The following PLAGL1 variants were observed in gnomAD, a reference collection of about 807,000 sequenced individuals.
PLAGL1 encodes the protein zinc finger protein PLAGL1.
In PLAGL1, 1 loss-of-function variant was observed where a neutral mutation model predicts 4.6. The ratio of observed to expected loss-of-function variants is 0.22; its 90% confidence interval spans 0.08 to 1.03. The LOEUF (loss-of-function observed/expected upper bound fraction) is 1.03, where lower values mean the gene tolerates loss of function less well. Among genes scored for constraint, PLAGL1 ranks in the 50% least tolerant of loss-of-function variants. PLAGL1 has a pLI of 0.58. For synonymous variants in PLAGL1, 240 were observed against 237.8 expected (o/e 1.01, Z -0.08); for missense variants, 464 against 570.4 (o/e 0.81, Z 1.90).
At chr6:144,001,650 A>T (rs1792908160) in intron 1 of PLAGL1, among the ~76,000 whole-genome samples, 1 of 152,040 alleles carries the variant, frequency 6.6e-6, no homozygotes, top group Admixed American at 6.6e-5. Context: ...TAGACCATGG[A>T]AAGGGGGAAA....
intron 1 of PLAGL1, among the ~76,000 whole-genome samples, chr6:144,026,619 A>T (rs1796359277): frequency 6.6e-6 from 1 of 152,190 alleles, no homozygotes; most frequent in Non-Finnish European, 1.5e-5. Flanking sequence ...ATAGAAACCC[A>T]TGTTTTCCAA....
Position 143,973,467 on chromosome 6 carries a change from G to C in PLAGL1, c.-543-4489C>G, listed in dbSNP as rs1785803512. The stretch of plus-strand genomic sequence containing the variant: ...GCTAGTTCATCCAAGGTCAGAGGGA[G>C]AAAACAAGCACGGGGGGAAGTCCTC... On this transcript the variant is annotated intron_variant, in intron 2 of 7. Coordinates refer to ENST00000674357, the MANE Select transcript of PLAGL1 (RefSeq NM_001317162.2). The surrounding 1 kb of genome is among the most constrained non-coding windows in gnomAD (Gnocchi z 6.2). Among the ~76,000 whole-genome samples the C allele has an allele frequency of 6.6e-6, 1 of 152,154 alleles. No individual in the cohort carries two copies. The highest frequency in any genetic ancestry group is 1.5e-5 in the Non-Finnish European group (1 of 68,026).
intron 1 of PLAGL1, among the ~76,000 whole-genome samples, chr6:144,002,883 C>CT (rs34276412): frequency 0.39 from 55,874 of 144,030 alleles, 11,261 homozygotes; most frequent in Admixed American, 0.46. Context: ...TTCTGGTAGG[C>CT]TTTTTTTTTT....
At chr6:143,999,227 T>G (rs1792313294) in intron 1 of PLAGL1, among the ~76,000 whole-genome samples, 1 of 152,184 alleles carries the variant, frequency 6.6e-6, no homozygotes. Flanking sequence ...AAATGATCAC[T>G]GAGTTTCCCT....
rs1462394917 is a variant in PLAGL1 at position 143,952,778 on chromosome 6, T to G, written c.-324-4318A>C. Among the ~76,000 whole-genome samples the G allele has an allele frequency of 6.6e-6, 1 of 152,222 alleles. No homozygotes were observed. The highest frequency in any genetic ancestry group is 1.5e-5 in the Non-Finnish European group (1 of 68,046). ...TGGCATCTATTTCCATTGTCCTCAG[T>G]GACACAATCAATGCAAGGCCCATTT... On this transcript the variant is annotated intron_variant, in intron 6 of 7. Coordinates refer to ENST00000674357, the MANE Select transcript of PLAGL1 (RefSeq NM_001317162.2). This position sits in a 1 kb window ranked among gnomAD's most constrained non-coding sequence, Gnocchi z 6.1.
intron 1 of PLAGL1, among the ~76,000 whole-genome samples, chr6:144,014,861 T>TGAGCCAC (rs776523918): frequency 2.0e-4 from 31 of 152,126 alleles, no homozygotes; most frequent in Non-Finnish European, 3.4e-4. Flanking sequence ...ATTACAGGTG[T>TGAGCCAC]GAGCCACTGT....
intron 1 of PLAGL1, among the ~76,000 whole-genome samples, chr6:144,045,710 A>T (rs1004526857): frequency 1.3e-5 from 2 of 152,026 alleles, no homozygotes; most frequent in Non-Finnish European, 2.9e-5. Context: ...TGTTCTCTGT[A>T]TTTCCTGAAT....
chr6:143,991,335 C>G (rs1247646802), intron 1 of PLAGL1, among the ~76,000 whole-genome samples: 1 of 152,196 alleles, frequency 6.6e-6, no homozygotes, highest in African/African-American at 2.4e-5. Flanking sequence ...CAATTTACCT[C>G]ATATTTCCTG....
At position 143,991,359 on chromosome 6, in the gene PLAGL1, G is replaced by C. The variant is rs924930382; in HGVS notation, c.-583-6185C>G. Among the ~76,000 whole-genome samples, 13 of 152,286 alleles carry C rather than the reference G, an allele frequency of 8.5e-5. No homozygotes were observed. In the South Asian group the frequency reaches 2.7e-3, roughly 32 times the overall value. On this transcript the variant is annotated intron_variant, in intron 1 of 7. Transcript: ENST00000674357. ...TCATATTTCCTGGAAAACCATGTTT[G>C]AATGTGGACTTCTTGGAGTCTGTAC...
chr6:144,008,706 G>C (rs1380569212), upstream of PLAGL1: 2 of 152,300 alleles, frequency 1.3e-5, no homozygotes, highest in Non-Finnish European at 2.9e-5. This position sits in a 1 kb window ranked among gnomAD's most constrained non-coding sequence, Gnocchi z 6.9. Flanking sequence ...ACAGATGCTG[G>C]GACGCTGCAA....
rs771510932 is a variant in PLAGL1, at chr6:143,952,284, C to T, written c.-324-3824G>A. Among the ~76,000 whole-genome samples, 10 of 152,210 alleles carry T rather than the reference C, an allele frequency of 6.6e-5. No individual in the cohort carries two copies. The highest frequency in any genetic ancestry group is 1.9e-4 in the East Asian group (1 of 5,196). ...TTTCTATTATCTGGCAGGCCACCAACGATCCTAACAGAACTTACAGAGCAA... is the reference window on the plus strand; with the variant it reads ...TTTCTATTATCTGGCAGGCCACCAATGATCCTAACAGAACTTACAGAGCAA... On this transcript the variant is annotated intron_variant, in intron 6 of 7. Transcript: ENST00000674357. The surrounding 1 kb of genome is among the most constrained non-coding windows in gnomAD (Gnocchi z 6.1).
rs1434347111 is a variant in PLAGL1 at position 143,971,251 on chromosome 6, C to G, written c.-543-2273G>C. Among the ~76,000 whole-genome samples the G allele has an allele frequency of 1.3e-5, 2 of 152,182 alleles. No homozygotes were observed. Among genetic ancestry groups the G allele is most frequent in the Non-Finnish European group, 2.9e-5 (2 of 68,026 alleles). On this transcript the variant is annotated intron_variant, in intron 2 of 7. Coordinates refer to ENST00000674357, the MANE Select transcript of PLAGL1 (RefSeq NM_001317162.2). This position sits in a 1 kb window ranked among gnomAD's most constrained non-coding sequence, Gnocchi z 4.7. ...GTACAACCCATACAAATGCCCCTTC[C>G]TCTACGAGATTCCTCCCGCAATTCA...
rs929280319 is a variant in PLAGL1 at position 143,940,651 on chromosome 6, TATA to T, written c.*770_*772del. The T allele has an allele frequency of 1.1e-4, 17 of 152,548 alleles. No individual in the cohort carries two copies. The highest frequency in any genetic ancestry group is 2.5e-4 in the Non-Finnish European group (17 of 68,010). The allele number at this position is 152,548 out of a possible 1,614,324, so 9.4% of individuals were successfully genotyped here. A position where few individuals can be genotyped will look rare whatever the true frequency, so the allele number is the denominator to read the frequency against. ...TATTTTCTTAAATTCCTGTTAAAAA[TATA>T]ATCAATATTAAAGTCAGCAAAATGC... On this transcript the variant is annotated 3_prime_UTR_variant, in exon 8 of 8. Transcript: ENST00000674357.
chr6:144,030,106 T>A (rs1796685482), intron 1 of PLAGL1, among the ~76,000 whole-genome samples: 1 of 151,574 alleles, frequency 6.6e-6, no homozygotes, highest in Admixed American at 6.6e-5. Context: ...TACAAAAAAA[T>A]TAGCCGGGCG....
chr6:143,942,586 A>G lies in PLAGL1; in HGVS notation c.230T>C (p.Leu77Pro). 6.2e-7 allele frequency: 1 copy of G among 1,614,044 alleles called. No individual in the cohort carries two copies. Among genetic ancestry groups the G allele is most frequent in the Non-Finnish European group, 8.5e-7 (1 of 1,180,006 alleles). Residue 77 changes from leucine to proline, a missense_variant, in exon 8 of 8, where the codon CTG (leucine) becomes CCG (proline). Coordinates refer to ENST00000674357, the MANE Select transcript of PLAGL1 (RefSeq NM_001317162.2). This position sits in a 1 kb window ranked among gnomAD's most constrained non-coding sequence, Gnocchi z 7.6. The stretch of plus-strand genomic sequence containing the variant: ...GTCGTGGGTCTGGAGGTGGTTTTTC[A>G]GGTGGTCTTTCCGGTTGAACGTCTT... ...CEKTFNRKDH[L>P]KNHLQTHDPN...
chr6:143,992,031 TAA>T (rs1394239218), intron 1 of PLAGL1, among the ~76,000 whole-genome samples: 1 of 152,196 alleles, frequency 6.6e-6, no homozygotes, highest in African/African-American at 2.4e-5. Context: ...AAATATGAGG[TAA>T]AGTGGTCAAG....
At chr6:144,011,204 ATC>A (rs142013319), upstream of PLAGL1, among the ~76,000 whole-genome samples, 9,400 of 152,288 alleles carry the variant, frequency 0.062, 321 homozygotes, top group Middle Eastern at 0.12. The surrounding 1 kb of genome is among the most constrained non-coding windows in gnomAD (Gnocchi z 4.3). Context: ...GCAATTATCC[ATC>A]TGACAAAGGG....
chr6:144,058,500 A>C (rs1799155127), intron 1 of PLAGL1, among the ~76,000 whole-genome samples: 2 of 152,240 alleles, frequency 1.3e-5, no homozygotes, highest in South Asian at 4.1e-4. Context: ...ATCCCTTCTC[A>C]ACAGTCCATT....
Position 143,979,390 on chromosome 6 carries a change from G to C in PLAGL1, c.-544+5745C>G, listed in dbSNP as rs1392548336. Among the ~76,000 whole-genome samples the C allele has an allele frequency of 6.6e-6, 1 of 152,034 alleles. No homozygotes were observed. The highest frequency in any genetic ancestry group is 1.5e-5 in the Non-Finnish European group (1 of 67,942). On this transcript the variant is annotated intron_variant, in intron 2 of 7. Transcript: ENST00000674357. This position sits in a 1 kb window ranked among gnomAD's most constrained non-coding sequence, Gnocchi z 4.6. ...TGATTAGGCTGAAATGTACGATCTTGTTATTTGTTGTCTAATTGCCTCAAT... is the reference window on the plus strand; with the variant it reads ...TGATTAGGCTGAAATGTACGATCTTCTTATTTGTTGTCTAATTGCCTCAAT...
Sources: allele counts gnomAD v4.1 joint callset (sites outside exome capture counted in the v4.1 genomes callset), GRCh38; gene constraint gnomAD v4.1.1; non-coding constraint Gnocchi (gnomAD v3.1); transcripts MANE v1.5; gene names NCBI Gene and HGNC (gene_info 2026-07-23, HGNC 2026-07-21).